NUP62CL: variants seen among roughly 807,000 people sequenced by gnomAD.
NUP62CL encodes nucleoporin-62 C-terminal-like protein.
A neutral mutation model predicts 15.3 loss-of-function variants in NUP62CL; 13 were observed. The ratio of observed to expected loss-of-function variants is 0.85; its 90% CI spans 0.55 to 1.35. The LOEUF (loss-of-function observed/expected upper bound fraction) is 1.35, where lower values mean the gene tolerates loss of function less well. NUP62CL is among the 40% of genes most tolerant of loss of function. The pLI is 0.00. For synonymous variants in NUP62CL, 54 were observed against 49.2 expected (o/e 1.10, Z -0.41); for missense variants, 123 against 130.6 (o/e 0.94, Z 0.28).
At chrX:107,131,971 A>G in intron 8 of NUP62CL, 1 of 1,019,645 alleles carries the variant, frequency 9.8e-7, no homozygotes, top group Non-Finnish European at 1.4e-6. Flanking sequence ...GACAGAGAAG[A>G]AGGAAGGAGA....
intron 8 of NUP62CL, among the ~76,000 whole-genome samples, chrX:107,133,687 T>G (rs1427887398): frequency 8.9e-6 from 1 of 112,473 alleles, no homozygotes; most frequent in Non-Finnish European, 1.9e-5. Context: ...ACGCCTGTGA[T>G]CCCGGCACTT....
At chrX:107,188,985 C>T (rs754483723) in intron 2 of NUP62CL, among the ~76,000 whole-genome samples, 2 of 111,783 alleles carry the variant, frequency 1.8e-5, no homozygotes, top group Admixed American at 9.5e-5. Context: ...TAATACATTG[C>T]TATTTTGGAT....
intron 8 of NUP62CL, among the ~76,000 whole-genome samples, chrX:107,141,050 A>T (rs1382362004): frequency 1.8e-5 from 2 of 112,740 alleles, no homozygotes; most frequent in Middle Eastern, 4.6e-3. Flanking sequence ...GAGTCTCTCC[A>T]ACTTGAGGAA....
chrX:107,181,618 T>A (rs1926921995), intron 2 of NUP62CL, among the ~76,000 whole-genome samples: 1 of 111,640 alleles, frequency 9.0e-6, no homozygotes, highest in Admixed American at 9.5e-5. Context: ...TAAAATCTTG[T>A]CAAGTCCTTC....
At chrX:107,150,197 T>C (rs886714318) in intron 7 of NUP62CL, among the ~76,000 whole-genome samples, 1 of 111,950 alleles carries the variant, frequency 8.9e-6, no homozygotes, top group African/African-American at 3.2e-5. Context: ...GCATACCTAC[T>C]AACACTTATA....
chrX:107,153,101 C>A, intron 7 of NUP62CL, 71 bp downstream of exon 7: 1 of 1,012,898 alleles, frequency 9.9e-7, no homozygotes, highest in Non-Finnish European at 1.3e-6. Context: ...CGACTTTTCC[C>A]CTCTGTTCCT....
intron 8 of NUP62CL, among the ~76,000 whole-genome samples, chrX:107,144,847 CAT>C (rs1925850494): frequency 9.0e-6 from 1 of 111,609 alleles, no homozygotes; most frequent in Admixed American, 9.6e-5. Flanking sequence ...ACCACACAAA[CAT>C]AGTAAATTCT....
intron 1 of NUP62CL, among the ~76,000 whole-genome samples, chrX:107,197,694 A>G (rs1488256730): frequency 9.1e-6 from 1 of 109,522 alleles, no homozygotes; most frequent in Non-Finnish European, 1.9e-5. Flanking sequence ...AAGGGCTACT[A>G]GAAATGAGCA....
chrX:107,204,258 T>C (rs1203691744), intron 1 of NUP62CL, among the ~76,000 whole-genome samples: 2 of 111,306 alleles, frequency 1.8e-5, no homozygotes, highest in Non-Finnish European at 3.8e-5. Context: ...AATAAGGAAG[T>C]GACTTCTAGT....
At chrX:107,135,953 C>T (rs1925631229) in intron 8 of NUP62CL, among the ~76,000 whole-genome samples, 2 of 110,937 alleles carry the variant, frequency 1.8e-5, no homozygotes, top group South Asian at 7.7e-4. Flanking sequence ...GTATATGCTA[C>T]CCTCCAACCC....
chrX:107,200,084 T>A (rs982290128), intron 1 of NUP62CL, among the ~76,000 whole-genome samples: 1 of 111,705 alleles, frequency 9.0e-6, no homozygotes, highest in Non-Finnish European at 1.9e-5. Flanking sequence ...ATGGTAATCA[T>A]CTTATGCCAA....
At chrX:107,199,229 G>A (rs1442266358) in intron 1 of NUP62CL, among the ~76,000 whole-genome samples, 2 of 112,008 alleles carry the variant, frequency 1.8e-5, no homozygotes, top group African/African-American at 6.5e-5. Flanking sequence ...TATAGCTGAG[G>A]AAGCAGAGGC....
chrX:107,197,473 C>T (rs1206440554), intron 1 of NUP62CL, among the ~76,000 whole-genome samples: 1 of 110,525 alleles, frequency 9.0e-6, no homozygotes, highest in Non-Finnish European at 1.9e-5. Context: ...GACAACCTCT[C>T]TTCCTCTTCT....
chrX:107,196,305 CT>C lies in NUP62CL; in HGVS notation c.-91-3234del, dbSNP rs1927359877. ...GATCTTAAATATTTCATATCCTTAG[CT>C]TTTTTTATTTTTTAATCTATTTTGC... On this transcript the variant is annotated intron_variant, in intron 1 of 8. Transcript: ENST00000372466. 2.7e-5 allele frequency among the ~76,000 whole-genome samples: 3 copies of C among 111,989 alleles called. No individual in the cohort carries two copies. The Admixed American group carries it at 2.8e-4, about 11-fold the overall frequency.
rs767631294 is a variant in NUP62CL at position 107,151,856 on chromosome X, C to T, written c.530+1316G>A. Among the ~76,000 whole-genome samples, 9 of 104,214 alleles carry T rather than the reference C, an allele frequency of 8.6e-5. No individual in the cohort carries two copies. The South Asian group carries it at 2.2e-3, about 26-fold the overall frequency. 90.5% of individuals were successfully genotyped at this position (104,214 alleles called of 115,157 possible). A position where few individuals can be genotyped will look rare whatever the true frequency, so the allele number is the denominator to read the frequency against. ...CCAGCCTGGCCAACATGGTGAAACC[C>T]GGTCCCTACTAAAAATACAAAAAAT... On this transcript the variant is annotated intron_variant, in intron 7 of 8. Coordinates refer to ENST00000372466, the MANE Select transcript of NUP62CL (RefSeq NM_017681.3).
chrX:107,189,906 A>AAAGG (rs1569365671), intron 2 of NUP62CL, among the ~76,000 whole-genome samples: 50 of 99,835 alleles, frequency 5.0e-4, no homozygotes, highest in African/African-American at 1.9e-3. Flanking sequence ...AGAAAGAAAG[A>AAAGG]AAGAAAGAAA....
At chrX:107,124,412 C>T in intron 8 of NUP62CL, 80 bp from the exon 9 acceptor site, 1 of 314,200 alleles carries the variant, frequency 3.2e-6, no homozygotes, top group Non-Finnish European at 6.2e-6. Flanking sequence ...CCTTTCAACA[C>T]ATGATTAACA....
At chrX:107,154,070 G>A (rs1926114821) in intron 5 of NUP62CL, 26 bp downstream of exon 5, 2 of 1,159,723 alleles carry the variant, frequency 1.7e-6, no homozygotes, top group Non-Finnish European at 1.2e-6. Flanking sequence ...CACAATGTAG[G>A]TAGATTAATG....
At chrX:107,203,493 G>A (rs928236084) in intron 1 of NUP62CL, among the ~76,000 whole-genome samples, 15 of 110,259 alleles carry the variant, frequency 1.4e-4, no homozygotes, top group African/African-American at 3.0e-4. Context: ...TGATTCTTCC[G>A]CCTCAGCCTC....
Sources: gnomAD v4.1 joint callset for allele counts (sites outside exome capture counted in the v4.1 genomes callset) on GRCh38, gnomAD v4.1.1 for gene constraint, MANE v1.5 for transcripts, NCBI Gene and HGNC (gene_info 2026-07-23, HGNC 2026-07-21) for gene names.